Variants in C8orf34 observed in about 807,000 individuals in gnomAD.
C8orf34 encodes the protein chromosome 8 open reading frame 34, also known as uncharacterized protein C8orf34.
A neutral mutation model predicts 68.3 loss-of-function variants in C8orf34; 65 were observed. The ratio of observed to expected loss-of-function variants is 0.95; its 90% CI spans 0.78 to 1.17. C8orf34 has a LOEUF of 1.17. Ranked by LOEUF, C8orf34 falls within the 50% of genes most tolerant of loss-of-function variation. The pLI is 0.00. For synonymous variants in C8orf34, 244 were observed against 241.2 expected, an observed-to-expected ratio of 1.01 and a Z score of -0.11; for missense variants, 664 against 655.4, an observed-to-expected ratio of 1.01 and a Z score of -0.14.
rs1273993217 is a variant in C8orf34, at chr8:68,709,045, C to T, written c.1293C>T (p.Leu431=). Residue 431 remains leucine (L), a synonymous_variant, in exon 9 of 14, where the codon CTC becomes CTT. Coordinates refer to ENST00000518698, the MANE Select transcript of C8orf34 (RefSeq NM_052958.4). ...EERTEESLPI[L]HSPDEKIPDS... ...GGACAGAAGAGTCACTACCAATACT[C>T]CATTCTCCAGATGAAAAAATCCCAG... 4 of 1,612,224 alleles carry T rather than the reference C, an allele frequency of 2.5e-6. No homozygotes were observed. The highest frequency in any genetic ancestry group is 2.5e-6 in the Non-Finnish European group (3 of 1,179,310).
At chr8:68,510,430 AT>A (rs1814216420) in intron 5 of C8orf34, among the ~76,000 whole-genome samples, 1 of 152,178 alleles carries the variant, frequency 6.6e-6, no homozygotes, top group Admixed American at 6.5e-5. Context: ...CAGAACTAGA[AT>A]ATTAACCCAG....
Position 68,588,422 on chromosome 8 carries a change from C to T in C8orf34, c.1106-51954C>T, listed in dbSNP as rs538227061. Among the ~76,000 whole-genome samples, 22 of 152,212 alleles carry T rather than the reference C, an allele frequency of 1.4e-4. No homozygotes were observed. In the South Asian group the frequency reaches 4.4e-3, roughly 30 times the overall value. The stretch of plus-strand genomic sequence containing the variant: ...TGCATTAAAATATTAACATTTTCAA[C>T]ACAAATCTTCTTGTATTCTTTTAAT... On this transcript the variant is annotated intron_variant, in intron 7 of 13. Coordinates refer to ENST00000518698, the MANE Select transcript of C8orf34 (RefSeq NM_052958.4).
At chr8:68,770,414 T>C (rs1158162173) in intron 10 of C8orf34, among the ~76,000 whole-genome samples, 1 of 152,284 alleles carries the variant, frequency 6.6e-6, no homozygotes, top group East Asian at 1.9e-4. Context: ...GGAACATACA[T>C]GTTGGCACAA....
chr8:68,482,693 T>A (rs1414325173), intron 4 of C8orf34, among the ~76,000 whole-genome samples: 3 of 152,180 alleles, frequency 2.0e-5, no homozygotes, highest in Non-Finnish European at 4.4e-5. Context: ...GGCATGCCAG[T>A]AAGCTAACTC....
chr8:68,776,689 C>A (rs1585866527), intron 11 of C8orf34, among the ~76,000 whole-genome samples: 1 of 152,094 alleles, frequency 6.6e-6, no homozygotes, highest in Non-Finnish European at 1.5e-5. Flanking sequence ...ACTGCGTAAA[C>A]CTGGTACTAA....
At chr8:68,764,608 G>A (rs7826997) in intron 10 of C8orf34, among the ~76,000 whole-genome samples, 47,549 of 152,032 alleles carry the variant, frequency 0.31, 8,381 homozygotes, top group African/African-American at 0.48. Flanking sequence ...CAGGAAAAGG[G>A]CATGGAATGT....
At chr8:68,385,728 G>T (rs905905610) in intron 1 of C8orf34, among the ~76,000 whole-genome samples, 3 of 152,094 alleles carry the variant, frequency 2.0e-5, no homozygotes, top group Admixed American at 1.3e-4. Context: ...GAGAAATGTG[G>T]AATTAGTGAT....
chr8:68,430,855 G>A (rs1460055784), intron 1 of C8orf34, among the ~76,000 whole-genome samples: 2 of 151,942 alleles, frequency 1.3e-5, no homozygotes, highest in Non-Finnish European at 2.9e-5. Context: ...GACCAAACAG[G>A]CAACCCCTCT....
chr8:68,338,971 A>T (rs1805963406), intron 1 of C8orf34, among the ~76,000 whole-genome samples: 1 of 152,030 alleles, frequency 6.6e-6, no homozygotes, highest in South Asian at 2.1e-4. Flanking sequence ...TCTCTAATGC[A>T]ATGAATTTTC....
intron 8 of C8orf34, among the ~76,000 whole-genome samples, chr8:68,685,186 T>C (rs1195260679): frequency 2.6e-5 from 4 of 152,176 alleles, no homozygotes; most frequent in Admixed American, 2.6e-4. Context: ...TTCCTCTTTC[T>C]CTATCATTTA....
chr8:68,560,472 A>T (rs1816388561), intron 7 of C8orf34, among the ~76,000 whole-genome samples: 2 of 152,164 alleles, frequency 1.3e-5, no homozygotes, highest in Admixed American at 1.3e-4. Context: ...TCACTTAACG[A>T]TGGGGACACT....
intron 8 of C8orf34, among the ~76,000 whole-genome samples, chr8:68,702,869 T>C (rs546651569): frequency 1.3e-5 from 2 of 152,252 alleles, no homozygotes; most frequent in East Asian, 3.9e-4. Context: ...CCCTCCTCAT[T>C]ATGGATTCGG....
intron 13 of C8orf34, among the ~76,000 whole-genome samples, chr8:68,816,833 A>T (rs924171150): frequency 1.3e-5 from 2 of 152,190 alleles, no homozygotes; most frequent in African/African-American, 4.8e-5. Flanking sequence ...GCATGTAAAA[A>T]ATAGAAACAA....
intron 10 of C8orf34, among the ~76,000 whole-genome samples, chr8:68,723,001 A>G (rs976393018): frequency 3.3e-5 from 5 of 152,098 alleles, no homozygotes; most frequent in South Asian, 2.1e-4. Flanking sequence ...TATCTAACCT[A>G]TAGATAAGGA....
intron 5 of C8orf34, among the ~76,000 whole-genome samples, chr8:68,494,875 T>C (rs1813459738): frequency 1.3e-5 from 2 of 150,974 alleles, no homozygotes; most frequent in Non-Finnish European, 2.9e-5. Context: ...ATATATTATA[T>C]ATATCTCAAA....
At position 68,330,974 on chromosome 8, in the gene C8orf34, AG is replaced by A; in HGVS notation, c.-38del. On this transcript the variant is annotated 5_prime_UTR_variant, in exon 1 of 14. Transcript: ENST00000518698. ...TTCCCCACTGCGCCGGGCGCTGCGG[AG>A]AGCGGCGAGGGTGGGCGCGAGGCGG... The A allele has an allele frequency of 7.5e-7, 1 of 1,339,626 alleles. No individual in the cohort carries two copies. Among genetic ancestry groups the A allele is most frequent in the South Asian group, 1.7e-5 (1 of 58,722 alleles). The allele number at this position is 1,339,626 out of a possible 1,614,324, so 83.0% of individuals were successfully genotyped here.
At chr8:68,476,746 A>G (rs996886169) in intron 4 of C8orf34, among the ~76,000 whole-genome samples, 1 of 152,174 alleles carries the variant, frequency 6.6e-6, no homozygotes, top group African/African-American at 2.4e-5. Context: ...CATATATCCT[A>G]TGTTCACTTT....
chr8:68,529,816 T>C (rs912440879), intron 6 of C8orf34, among the ~76,000 whole-genome samples: 7 of 152,254 alleles, frequency 4.6e-5, no homozygotes, highest in Non-Finnish European at 1.0e-4. Flanking sequence ...TTTATGCTTA[T>C]TCATATAAAA....
Position 68,690,235 on chromosome 8 carries a change from T to C in C8orf34, c.1242-18759T>C, listed in dbSNP as rs147473501. On this transcript the variant is annotated intron_variant, in intron 8 of 13. Transcript: ENST00000518698. Reference sequence around the variant, plus strand: ...TATATGAGTGTTAGCGTTCAGATAATACAATGGACATTTGAAAACTATTGT... The same window carrying C: ...TATATGAGTGTTAGCGTTCAGATAACACAATGGACATTTGAAAACTATTGT... Among the ~76,000 whole-genome samples, 723 of 152,086 alleles carry C rather than the reference T, an allele frequency of 4.8e-3. 5 individuals carry two copies. The highest frequency in any genetic ancestry group is 0.017 in the African/African-American group (688 of 41,526).
Sources: allele counts gnomAD v4.1 joint callset (sites outside exome capture counted in the v4.1 genomes callset), GRCh38; gene constraint gnomAD v4.1.1; transcripts MANE v1.5; gene names NCBI Gene and HGNC (gene_info 2026-07-23, HGNC 2026-07-21).